The following MED24 variants were observed in gnomAD, a reference collection of about 807,000 sequenced individuals.
The protein encoded by MED24 is mediator of RNA polymerase II transcription subunit 24.
MED24 carries 74 observed loss-of-function variants against 118.8 expected under a neutral mutation model. The observed-to-expected ratio is 0.62, with a 90% CI of 0.52 to 0.76. MED24 has a LOEUF of 0.76. Among genes scored for constraint, MED24 ranks in the 30% least tolerant of loss-of-function variants. The pLI is 0.00. For synonymous variants in MED24, 521 were observed against 523.9 expected (o/e 0.99, Z 0.08); for missense variants, 1,041 against 1,278.9 (o/e 0.81, Z 2.84).
chr17:40,028,124 T>C (rs1982932911), intron 14 of MED24, 178 bp from the exon 15 acceptor site: 1 of 644,510 alleles, frequency 1.6e-6, no homozygotes, highest in Non-Finnish European at 2.6e-6. Flanking sequence ...GTTTTTTTTT[T>C]GTTTTTTTTG....
At chr17:40,042,864 C>T (rs908805376) in intron 3 of MED24, among the ~76,000 whole-genome samples, 1 of 152,126 alleles carries the variant, frequency 6.6e-6, no homozygotes, top group South Asian at 2.1e-4. Flanking sequence ...ACAATAAATT[C>T]TAAATGGATC....
rs184567571 is a variant in MED24 at position 40,030,642 on chromosome 17, T to G, written c.1154+517A>C. ...AAGCACATTTAAGATTAAAGGAAGA[T>G]TCAGGATTTTTATTTATTTATTTAT... On this transcript the variant is annotated intron_variant, in intron 12 of 25. Coordinates refer to ENST00000394128, the MANE Select transcript of MED24 (RefSeq NM_014815.4). 5.1e-4 allele frequency among the ~76,000 whole-genome samples: 75 copies of G among 146,622 alleles called. No individual in the cohort carries two copies. In the East Asian group the frequency reaches 0.015, roughly 29 times the overall value.
chr17:40,026,615 G>T, intron 18 of MED24, 32 bp downstream of exon 18: 1 of 1,568,110 alleles, frequency 6.4e-7, no homozygotes, highest in South Asian at 1.2e-5. Context: ...TGTGTCTCAG[G>T]GGAGCAAACG....
chr17:40,041,051 A>AT (rs1984512756), intron 3 of MED24, among the ~76,000 whole-genome samples: 1 of 152,166 alleles, frequency 6.6e-6, no homozygotes, highest in South Asian at 2.1e-4. Context: ...CCCGGACAAC[A>AT]TAAGAGTCTT....
intron 12 of MED24, 150 bp from the exon 13 acceptor site, chr17:40,030,009 A>G (rs772602511): frequency 2.9e-4 from 187 of 656,108 alleles, no homozygotes; most frequent in Middle Eastern, 8.2e-4. Flanking sequence ...ATGGAAGCAT[A>G]GTCAATGTTG....
Position 40,033,134 on chromosome 17 carries a change from G to C in MED24, c.744C>G (p.Ile248Met), listed in dbSNP as rs1481104752. 1.2e-6 allele frequency: 2 copies of C among 1,614,144 alleles called. No homozygotes were observed. Among genetic ancestry groups the C allele is most frequent in the African/African-American group, 1.3e-5 (1 of 75,056 alleles). Reference protein sequence around the residue: ...KTGFPTVHAVILLEGTMNLTG... With the variant: ...KTGFPTVHAVMLLEGTMNLTG... Reference sequence around the variant, plus strand: ...TCAGGTTCATGGTGCCCTCGAGCAGGATCACGGCGTGGACAGTGGGGAAGC... The same window carrying C: ...TCAGGTTCATGGTGCCCTCGAGCAGCATCACGGCGTGGACAGTGGGGAAGC... The change falls in exon 8 of 26, where the codon ATC becomes ATG. Residue 248 changes from isoleucine to methionine, a missense_variant. Ile to Met is a conservative substitution (Grantham distance 10, BLOSUM62 1). Transcript: ENST00000394128. The surrounding 1 kb of genome is among the most constrained non-coding windows in gnomAD (Gnocchi z 5.2).
chr17:40,037,127 G>A (rs1356601624), intron 3 of MED24, among the ~76,000 whole-genome samples: 1 of 152,062 alleles, frequency 6.6e-6, no homozygotes, highest in Non-Finnish European at 1.5e-5. Flanking sequence ...GTTGCAGTGA[G>A]ACGAAATCTT....
At chr17:40,027,544 T>C (rs1023474826) in intron 15 of MED24, 79 bp from the exon 16 acceptor site, 1 of 1,415,604 alleles carries the variant, frequency 7.1e-7, no homozygotes, top group East Asian at 2.5e-5. Context: ...GATCGGGATT[T>C]GCCTCTAGGA....
chr17:40,047,273 G>A (rs1334021755), intron 3 of MED24, among the ~76,000 whole-genome samples: 1 of 152,160 alleles, frequency 6.6e-6, no homozygotes, highest in Non-Finnish European at 1.5e-5. Flanking sequence ...GAGGGGAGTG[G>A]ACTAGAAAGC....
chr17:40,019,952 G>A lies in MED24; in HGVS notation c.2705-19C>T, dbSNP rs369328513. ...AGGTTGGCTGTAGAGAGTGGGGGGA[G>A]AGTGACAGGAGGGAGTTCCATGAGA... On this transcript the variant is annotated intron_variant, in intron 24 of 25. Coordinates refer to ENST00000394128, the MANE Select transcript of MED24 (RefSeq NM_014815.4). 1.1e-4 allele frequency: 169 copies of A among 1,557,126 alleles called. 1 individual carries two copies. In the Middle Eastern group the frequency reaches 6.2e-3, roughly 57 times the overall value.
In MED24 at chr17:40,033,037, G is replaced by C; in HGVS notation, c.822+19C>G. On this transcript the variant is annotated intron_variant, in intron 8 of 25. Coordinates refer to ENST00000394128, the MANE Select transcript of MED24 (RefSeq NM_014815.4). The surrounding 1 kb of genome is among the most constrained non-coding windows in gnomAD (Gnocchi z 5.2). The stretch of plus-strand genomic sequence containing the variant: ...GCTGGCCTGCCTTGGAGAAGGGAGA[G>C]CCACTCGGCCCCTCCCACCTGCATG... 1 of 1,612,760 alleles carries C rather than the reference G, an allele frequency of 6.2e-7. No individual in the cohort carries two copies. Among genetic ancestry groups the C allele is most frequent in the Non-Finnish European group, 8.5e-7 (1 of 1,179,764 alleles).
At chr17:40,035,896 C>T in intron 4 of MED24, 101 bp from the exon 5 acceptor site, 1 of 1,234,354 alleles carries the variant, frequency 8.1e-7, no homozygotes, top group South Asian at 1.3e-5. Flanking sequence ...CTCTCTCCTC[C>T]AACCCTGGGT....
chr17:40,023,537 G>C, intron 19 of MED24, 142 bp from the exon 20 acceptor site: 2 of 785,460 alleles, frequency 2.5e-6, no homozygotes, highest in Non-Finnish European at 2.0e-6. Context: ...TGCGCTGGGG[G>C]ACGGTATACC....
intron 3 of MED24, among the ~76,000 whole-genome samples, chr17:40,036,771 G>A (rs1983992175): frequency 6.6e-6 from 1 of 152,000 alleles, no homozygotes; most frequent in Non-Finnish European, 1.5e-5. Context: ...AGAAGCATGG[G>A]CAAGAGTGAA....
At chr17:40,030,150 G>A (rs556444033) in intron 12 of MED24, among the ~76,000 whole-genome samples, 2 of 151,814 alleles carry the variant, frequency 1.3e-5, no homozygotes, top group African/African-American at 2.4e-5. Flanking sequence ...TCACCACCAC[G>A]CCTGGCTACT....
At chr17:40,048,412 T>C (rs563431845) in intron 3 of MED24, among the ~76,000 whole-genome samples, 108 of 152,356 alleles carry the variant, frequency 7.1e-4, no homozygotes, top group African/African-American at 2.5e-3. Flanking sequence ...GAGAATATGA[T>C]ATTATTAAAT....
chr17:40,026,819 C>G, intron 17 of MED24, 37 bp downstream of exon 17: 1 of 1,611,316 alleles, frequency 6.2e-7, no homozygotes, highest in Non-Finnish European at 8.5e-7. Context: ...ACCCTGCCCC[C>G]ACCGCCACCC....
At chr17:40,023,678 A>C (rs1373622774) in intron 19 of MED24, 1 of 373,790 alleles carries the variant, frequency 2.7e-6, no homozygotes, top group Non-Finnish European at 4.8e-6. Context: ...ATTTTCTTTT[A>C]TTCTCCAACT....
chr17:40,039,909 G>T (rs577308916), intron 3 of MED24, among the ~76,000 whole-genome samples: 1 of 149,350 alleles, frequency 6.7e-6, no homozygotes, highest in Non-Finnish European at 1.5e-5. Flanking sequence ...TCAGCCTCCC[G>T]AGTAGCTGGG....
Sources: allele counts gnomAD v4.1 joint callset (sites outside exome capture counted in the v4.1 genomes callset), GRCh38; gene constraint gnomAD v4.1.1; non-coding constraint Gnocchi (gnomAD v3.1); transcripts MANE v1.5; gene names NCBI Gene and HGNC (gene_info 2026-07-23, HGNC 2026-07-21).